Variants in BNC2 observed in about 807,000 individuals in gnomAD.
BNC2 encodes zinc finger protein basonuclin-2.
Under a neutral mutation model 76.3 loss-of-function variants are expected in BNC2, and 20 were observed. The observed-to-expected ratio is 0.26, with a 90% CI of 0.18 to 0.38. BNC2 has a LOEUF of 0.38. Among genes scored for constraint, BNC2 ranks in the 10% least tolerant of loss-of-function variants. The pLI, the probability that BNC2 is intolerant of heterozygous loss-of-function variation, is 1.00. For synonymous variants in BNC2, 582 were observed against 514.8 expected, an observed-to-expected ratio of 1.13 and a Z score of -1.77; for missense variants, 1,382 against 1,399.8, an observed-to-expected ratio of 0.99 and a Z score of 0.20.
At chr9:16,835,256 A>T (rs1818680283) in intron 1 of BNC2, among the ~76,000 whole-genome samples, 1 of 152,250 alleles carries the variant, frequency 6.6e-6, no homozygotes, top group Non-Finnish European at 1.5e-5. Context: ...TTCAATCAAT[A>T]GCATTGATTT....
chr9:16,470,524 C>A (rs1821799902), intron 5 of BNC2, among the ~76,000 whole-genome samples: 1 of 152,168 alleles, frequency 6.6e-6, no homozygotes, highest in Non-Finnish European at 1.5e-5. Context: ...GCCCAGAGGC[C>A]CAGAAGGCAA....
intron 3 of BNC2, among the ~76,000 whole-genome samples, chr9:16,667,126 C>CA (rs1450877246): frequency 0.014 from 2,099 of 151,750 alleles, 55 homozygotes; most frequent in African/African-American, 0.047. Flanking sequence ...CGCACACACG[C>CA]CGATGTTATA....
chr9:16,418,998 T>C lies in BNC2; in HGVS notation c.3291A>G (p.Ser1097=). ...PNLHKNIPFT[S]VD ...AGTGTCCATTCTGAGACTAATCTAC[T>C]GAAGTGAAGGGAATGTTTTTGTGGA... is the stretch of plus-strand genomic sequence containing the variant. Residue 1097 remains serine, a synonymous_variant, in exon 7 of 7, where the codon TCA becomes TCG. Coordinates refer to ENST00000380672, the MANE Select transcript of BNC2 (RefSeq NM_017637.6). 6.2e-7 allele frequency: 1 copy of C among 1,614,082 alleles called. No individual in the cohort carries two copies. Among genetic ancestry groups the C allele is most frequent in the Non-Finnish European group, 8.5e-7 (1 of 1,180,022 alleles).
Position 16,606,617 on chromosome 9 carries a change from C to T in BNC2, c.331-23532G>A, listed in dbSNP as rs1587228200. Among the ~76,000 whole-genome samples the T allele has an allele frequency of 2.6e-5, 4 of 152,038 alleles. No individual in the cohort carries two copies. The South Asian group carries it at 8.3e-4, about 32-fold the overall frequency. On this transcript the variant is annotated intron_variant, in intron 3 of 6. Coordinates refer to ENST00000380672, the MANE Select transcript of BNC2 (RefSeq NM_017637.6). ...GCGCAATCTCAGCTCACTGCAACCT[C>T]CACCCCACAACGTTCAAGCAATTCT...
intron 1 of BNC2, among the ~76,000 whole-genome samples, chr9:16,761,314 T>A (rs565893405): frequency 3.6e-4 from 55 of 152,256 alleles, no homozygotes; most frequent in African/African-American, 1.3e-3. Flanking sequence ...ATATTTCTGG[T>A]ATAGAGGTAG....
chr9:16,801,260 A>C (rs1438533168), intron 1 of BNC2, among the ~76,000 whole-genome samples: 1 of 152,004 alleles, frequency 6.6e-6, no homozygotes, highest in Non-Finnish European at 1.5e-5. Context: ...ATTTTTATTT[A>C]TTTTGAGACA....
Position 16,485,388 on chromosome 9 carries a change from C to G in BNC2, c.670-47864G>C, listed in dbSNP as rs1822142571. ...TTTGTAAAGTTGGGTCAGGGATGTTCATTAAGCATCTGTTACTCAAAAACC... is the reference window on the plus strand; with the variant it reads ...TTTGTAAAGTTGGGTCAGGGATGTTGATTAAGCATCTGTTACTCAAAAACC... On this transcript the variant is annotated intron_variant, in intron 5 of 6. Transcript: ENST00000380672. Among the ~76,000 whole-genome samples, 5 of 152,142 alleles carry G rather than the reference C, an allele frequency of 3.3e-5. No homozygotes were observed. In the South Asian group the frequency reaches 1.0e-3, roughly 32 times the overall value.
At chr9:16,595,648 T>C (rs1053473064) in intron 3 of BNC2, among the ~76,000 whole-genome samples, 1 of 152,168 alleles carries the variant, frequency 6.6e-6, no homozygotes, top group Non-Finnish European at 1.5e-5. Flanking sequence ...CAAATTTCTA[T>C]GACATCTATA....
intron 3 of BNC2, among the ~76,000 whole-genome samples, chr9:16,594,626 C>G (rs1432136606): frequency 1.3e-5 from 2 of 152,162 alleles, no homozygotes; most frequent in African/African-American, 4.8e-5. Flanking sequence ...CCAATTGAGA[C>G]AGACTGTAAG....
At chr9:16,494,547 G>A (rs1167332221) in intron 5 of BNC2, among the ~76,000 whole-genome samples, 2 of 152,142 alleles carry the variant, frequency 1.3e-5, no homozygotes, top group Non-Finnish European at 2.9e-5. Context: ...CAGCAGTCAG[G>A]GCAAGAGTCA....
chr9:16,739,616 G>A (rs1280210948), intron 1 of BNC2, among the ~76,000 whole-genome samples: 1 of 152,170 alleles, frequency 6.6e-6, no homozygotes, highest in Non-Finnish European at 1.5e-5. Flanking sequence ...AGGTTGCAGT[G>A]AGCGGAGATT....
At chr9:16,508,997 T>G (rs1390367800) in intron 5 of BNC2, among the ~76,000 whole-genome samples, 1 of 151,882 alleles carries the variant, frequency 6.6e-6, no homozygotes, top group Non-Finnish European at 1.5e-5. Flanking sequence ...TTTTTTTAAT[T>G]ATTATTATTT....
chr9:16,448,465 T>C (rs1421268411), intron 5 of BNC2, among the ~76,000 whole-genome samples: 1 of 152,168 alleles, frequency 6.6e-6, no homozygotes, highest in Non-Finnish European at 1.5e-5. Flanking sequence ...ATTACTGATA[T>C]TGGTATAGAA....
At chr9:16,773,213 C>T (rs1825875081) in intron 1 of BNC2, among the ~76,000 whole-genome samples, 1 of 152,172 alleles carries the variant, frequency 6.6e-6, no homozygotes, top group African/African-American at 2.4e-5. Flanking sequence ...CACACATGCA[C>T]TATGGTACAA....
chr9:16,672,298 C>T (rs914987475), intron 3 of BNC2, among the ~76,000 whole-genome samples: 1 of 152,160 alleles, frequency 6.6e-6, no homozygotes, highest in Non-Finnish European at 1.5e-5. Flanking sequence ...GAGATCCAGA[C>T]GGTCCTGGCT....
chr9:16,548,725 G>A (rs2132482875), intron 5 of BNC2, among the ~76,000 whole-genome samples: 1 of 152,126 alleles, frequency 6.6e-6, no homozygotes, highest in Middle Eastern at 3.2e-3. Context: ...TTTAGTAGTA[G>A]AAAAACATCA....
chr9:16,825,167 A>C (rs1818425019), intron 1 of BNC2, among the ~76,000 whole-genome samples: 1 of 152,030 alleles, frequency 6.6e-6, no homozygotes, highest in Admixed American at 6.5e-5. Context: ...TCATTTATGC[A>C]CTCACAGCCC....
chr9:16,761,297 TG>T (rs1437229426), intron 1 of BNC2, among the ~76,000 whole-genome samples: 1 of 152,128 alleles, frequency 6.6e-6, no homozygotes, highest in African/African-American at 2.4e-5. Flanking sequence ...TATGAAAAGA[TG>T]AAAAAATATT....
intron 1 of BNC2, among the ~76,000 whole-genome samples, chr9:16,833,655 A>G (rs985239529): frequency 6.6e-6 from 1 of 152,124 alleles, no homozygotes; most frequent in Non-Finnish European, 1.5e-5. Flanking sequence ...CACTTGCCAT[A>G]AGGAATTATT....
Sources: allele counts gnomAD v4.1 joint callset (sites outside exome capture counted in the v4.1 genomes callset), GRCh38; gene constraint gnomAD v4.1.1; transcripts MANE v1.5; gene names NCBI Gene and HGNC (gene_info 2026-07-23, HGNC 2026-07-21).